Variants in PRKG1 observed in about 807,000 individuals in gnomAD.
The protein encoded by PRKG1 is cGMP-dependent protein kinase 1.
In PRKG1, 35 loss-of-function variants were observed where a neutral mutation model predicts 88.1. The observed-to-expected ratio is 0.40, with a 90% CI of 0.30 to 0.53. PRKG1 has a LOEUF of 0.53. Ranked by LOEUF, PRKG1 falls within the 20% of genes least tolerant of loss-of-function variation. PRKG1 has a pLI of 0.59. For synonymous variants in PRKG1, 303 were observed against 292.5 expected (o/e 1.04, Z -0.37); for missense variants, 540 against 839.8 (o/e 0.64, Z 4.41).
intron 3 of PRKG1, among the ~76,000 whole-genome samples, chr10:51,604,089 CTTTT>C (rs11290534): frequency 7.1e-6 from 1 of 141,660 alleles, no homozygotes; most frequent in Non-Finnish European, 1.5e-5. Flanking sequence ...TGGTCCCTGC[CTTTT>C]TTTTTTTTTT....
At chr10:51,484,330 T>A (rs10762176) in intron 3 of PRKG1, among the ~76,000 whole-genome samples, 2 of 152,010 alleles carry the variant, frequency 1.3e-5, no homozygotes, top group African/African-American at 4.8e-5. Flanking sequence ...TTCTTCCCTG[T>A]AATCTCAAAG....
chr10:52,083,635 A>C (rs889523256), intron 7 of PRKG1, among the ~76,000 whole-genome samples: 5 of 152,058 alleles, frequency 3.3e-5, no homozygotes, highest in Non-Finnish European at 7.4e-5. Context: ...ATTTTACAAA[A>C]GTGGTTTTCT....
Position 51,786,948 on chromosome 10 carries a change from A to G in PRKG1, c.593-17637A>G, listed in dbSNP as rs114648373. Among the ~76,000 whole-genome samples, 1,273 of 152,276 alleles carry G rather than the reference A, an allele frequency of 8.4e-3. 15 individuals are homozygous for G. Among genetic ancestry groups the G allele is most frequent in the African/African-American group, 0.028 (1,181 of 41,560 alleles). Reference sequence around the variant, plus strand: ...TTGCCTTTAAAATAATTTACTGTGTATAAGGTTATGCATTCCAGGTTTACG... The same window carrying G: ...TTGCCTTTAAAATAATTTACTGTGTGTAAGGTTATGCATTCCAGGTTTACG... On this transcript the variant is annotated intron_variant, in intron 3 of 17. Transcript: ENST00000373980.
chr10:51,518,520 C>T (rs1269178806), intron 3 of PRKG1, among the ~76,000 whole-genome samples: 1 of 152,130 alleles, frequency 6.6e-6, no homozygotes, highest in Non-Finnish European at 1.5e-5. Context: ...TGACTTGTCT[C>T]TTAAATAGTT....
chr10:51,270,907 A>G (rs1453245006), intron 2 of PRKG1, among the ~76,000 whole-genome samples: 1 of 152,226 alleles, frequency 6.6e-6, no homozygotes, highest in Non-Finnish European at 1.5e-5. Flanking sequence ...ATTCTATCAA[A>G]CATTATATAA....
intron 5 of PRKG1, among the ~76,000 whole-genome samples, chr10:52,016,673 T>A (rs955305108): frequency 2.0e-5 from 3 of 152,228 alleles, no homozygotes; most frequent in Non-Finnish European, 4.4e-5. Flanking sequence ...ATTTTCTAAA[T>A]CCTTTATTAT....
intron 5 of PRKG1, among the ~76,000 whole-genome samples, chr10:52,045,595 C>G (rs1845845324): frequency 6.6e-6 from 1 of 151,958 alleles, no homozygotes; most frequent in African/African-American, 2.4e-5. Flanking sequence ...TATTTGTGCC[C>G]AGCTGTTTGT....
At chr10:51,884,025 C>A (rs1424957820) in intron 4 of PRKG1, among the ~76,000 whole-genome samples, 463 of 105,784 alleles carry the variant, frequency 4.4e-3, no homozygotes, top group South Asian at 7.6e-3. Context: ...TTTTATTTTT[C>A]AAAAAAAAAA....
chr10:51,375,799 A>G (rs1349138605), intron 2 of PRKG1, among the ~76,000 whole-genome samples: 2 of 152,038 alleles, frequency 1.3e-5, no homozygotes. Context: ...GGTAGTTCTT[A>G]TCAGTGGCCT....
intron 2 of PRKG1, among the ~76,000 whole-genome samples, chr10:51,284,385 T>C (rs778565763): frequency 6.6e-6 from 1 of 152,212 alleles, no homozygotes; most frequent in African/African-American, 2.4e-5. Flanking sequence ...GTTACATAAC[T>C]AGCCCAAGGA....
intron 4 of PRKG1, among the ~76,000 whole-genome samples, chr10:51,901,663 T>G (rs1008059206): frequency 6.6e-6 from 1 of 152,200 alleles, no homozygotes; most frequent in South Asian, 2.1e-4. Flanking sequence ...ATGCATCATG[T>G]CTACATTTTA....
intron 1 of PRKG1, among the ~76,000 whole-genome samples, chr10:51,120,180 A>G (rs547271503): frequency 6.6e-6 from 1 of 152,292 alleles, no homozygotes; most frequent in African/African-American, 2.4e-5. Context: ...GAAGCTTAGT[A>G]AAATCCCATT....
At chr10:51,171,878 C>T (rs1412105950) in intron 2 of PRKG1, among the ~76,000 whole-genome samples, 3 of 152,038 alleles carry the variant, frequency 2.0e-5, no homozygotes, top group East Asian at 1.9e-4. Flanking sequence ...TTTTATGGAA[C>T]AGAAATTGTT....
intron 8 of PRKG1, among the ~76,000 whole-genome samples, chr10:52,136,132 G>A (rs1837411817): frequency 6.6e-6 from 1 of 151,956 alleles, no homozygotes; most frequent in Non-Finnish European, 1.5e-5. Flanking sequence ...TGTTAAGAAT[G>A]GAATCCAGAT....
At chr10:52,014,887 G>A (rs537751648) in intron 5 of PRKG1, among the ~76,000 whole-genome samples, 23 of 152,330 alleles carry the variant, frequency 1.5e-4, no homozygotes, top group African/African-American at 5.5e-4. Flanking sequence ...CTCACATTCA[G>A]GGCACACTGA....
rs115890629 is a variant in PRKG1 at position 52,207,314 on chromosome 10, G to A, written c.1077-44256G>A. ...GCTCTCGGATGGTCAGGTTCAGTCT[G>A]CTGGTGAGGGAGCTATGATGAGGGC... On this transcript the variant is annotated intron_variant, in intron 9 of 17. Transcript: ENST00000373980. 3.7e-3 allele frequency among the ~76,000 whole-genome samples: 559 copies of A among 152,216 alleles called. 3 individuals are homozygous for A. The highest frequency in any genetic ancestry group is 0.013 in the African/African-American group (527 of 41,544).
chr10:51,579,226 C>T (rs1837969282), intron 3 of PRKG1, among the ~76,000 whole-genome samples: 1 of 151,984 alleles, frequency 6.6e-6, no homozygotes, highest in Non-Finnish European at 1.5e-5. Flanking sequence ...TAGTGATCTG[C>T]CCACCTTGGC....
At chr10:51,834,729 GAAAAGAAAAGAA>G (rs921775271) in intron 4 of PRKG1, among the ~76,000 whole-genome samples, 215 of 145,112 alleles carry the variant, frequency 1.5e-3, no homozygotes, top group African/African-American at 5.0e-3. Context: ...AAAGAAAAGA[GAAAAGAAAAGAA>G]AAAAGAAAAG....
chr10:51,361,147 A>T (rs1397327534), intron 2 of PRKG1, among the ~76,000 whole-genome samples: 1 of 151,854 alleles, frequency 6.6e-6, no homozygotes, highest in Non-Finnish European at 1.5e-5. Flanking sequence ...ATTTTTTGGT[A>T]TATGATGTCC....
Sources: allele counts gnomAD v4.1 joint callset (sites outside exome capture counted in the v4.1 genomes callset), GRCh38; gene constraint gnomAD v4.1.1; transcripts MANE v1.5; gene names NCBI Gene and HGNC (gene_info 2026-07-23, HGNC 2026-07-21).